The following DAB1 variants were observed in gnomAD, a reference collection of about 807,000 sequenced individuals.
DAB1 encodes DAB adaptor protein 1.
Under a neutral mutation model 64.6 loss-of-function variants are expected in DAB1, and 15 were observed. The ratio of observed to expected loss-of-function variants is 0.23; its 90% CI spans 0.16 to 0.36. The LOEUF is 0.36. Among genes scored for constraint, DAB1 ranks in the 10% least tolerant of loss-of-function variants. The pLI is 1.00. For missense variants in DAB1, 596 were observed against 706.7 expected (o/e 0.84, Z 1.78); for synonymous variants, 235 against 251.9 (o/e 0.93, Z 0.64).
At chr1:58,056,800 G>T (rs1049037951) in intron 5 of DAB1, among the ~76,000 whole-genome samples, 27 of 151,476 alleles carry the variant, frequency 1.8e-4, no homozygotes, top group African/African-American at 6.5e-4. Flanking sequence ...TCCTCCCTTT[G>T]TAGTCACCTT....
intron 1 of DAB1, among the ~76,000 whole-genome samples, chr1:57,363,234 G>C (rs915354053): frequency 6.6e-6 from 1 of 152,146 alleles, no homozygotes; most frequent in African/African-American, 2.4e-5. Flanking sequence ...ACTTTTGGGG[G>C]TTACAGACCC....
At chr1:57,359,182 C>A (rs1489962665) in intron 1 of DAB1, among the ~76,000 whole-genome samples, 1 of 151,962 alleles carries the variant, frequency 6.6e-6, no homozygotes, top group Non-Finnish European at 1.5e-5. Context: ...AACATATTTA[C>A]AAACTATATA....
intron 7 of DAB1, among the ~76,000 whole-genome samples, chr1:57,438,044 T>C (rs868669973): frequency 3.0e-4 from 45 of 152,294 alleles, no homozygotes; most frequent in African/African-American, 1.1e-3. Context: ...TCCCAGCCCT[T>C]ACAGATTGCT....
intron 4 of DAB1, among the ~76,000 whole-genome samples, chr1:58,208,037 G>T (rs985287267): frequency 1.3e-5 from 2 of 151,216 alleles, no homozygotes; most frequent in African/African-American, 4.9e-5. Context: ...AGTGTAGAGT[G>T]AAAATGAGGG....
intron 5 of DAB1, among the ~76,000 whole-genome samples, chr1:57,990,126 C>G (rs896323860): frequency 6.6e-6 from 1 of 152,188 alleles, no homozygotes; most frequent in African/African-American, 2.4e-5. Flanking sequence ...GCTGGTCAAG[C>G]AGCAGAGTGT....
At chr1:57,416,341 T>G (rs1159705379) in intron 1 of DAB1, among the ~76,000 whole-genome samples, 2 of 152,192 alleles carry the variant, frequency 1.3e-5, no homozygotes, top group Admixed American at 6.5e-5. Flanking sequence ...GGGAAGTTAT[T>G]TCTTGGGGAC....
chr1:58,302,854 T>G (rs1662206407), intron 4 of DAB1, among the ~76,000 whole-genome samples: 1 of 152,180 alleles, frequency 6.6e-6, no homozygotes, highest in Non-Finnish European at 1.5e-5. Context: ...ATCTTCACCC[T>G]GTAGAGCTTT....
chr1:58,136,105 G>A (rs1268144018), intron 5 of DAB1, among the ~76,000 whole-genome samples: 1 of 152,192 alleles, frequency 6.6e-6, no homozygotes, highest in African/African-American at 2.4e-5. Context: ...TAATGTTGCA[G>A]TAAAACATAG....
At chr1:58,494,080 T>A (rs539247178) in intron 3 of DAB1, among the ~76,000 whole-genome samples, 64 of 151,818 alleles carry the variant, frequency 4.2e-4, no homozygotes, top group African/African-American at 7.7e-4. Context: ...ATATAGACCA[T>A]TGGAACAGAA....
At chr1:57,907,197 A>G (rs1857377) in intron 5 of DAB1, among the ~76,000 whole-genome samples, 3,465 of 152,324 alleles carry the variant, frequency 0.023, 109 homozygotes, top group African/African-American at 0.073. Flanking sequence ...TCAGGACATA[A>G]GCAGGGCTCT....
chr1:58,311,152 A>T (rs904314499), intron 4 of DAB1, among the ~76,000 whole-genome samples: 3 of 152,116 alleles, frequency 2.0e-5, no homozygotes, highest in Non-Finnish European at 4.4e-5. Context: ...CTTTAGCAAG[A>T]ACTTGTTAAG....
chr1:58,197,539 G>A (rs868278993), intron 4 of DAB1, among the ~76,000 whole-genome samples: 18 of 151,726 alleles, frequency 1.2e-4, no homozygotes, highest in Middle Eastern at 3.4e-3. Context: ...CTACAGGTGC[G>A]CGCCACTACA....
intron 6 of DAB1, among the ~76,000 whole-genome samples, chr1:57,653,732 C>T (rs951694964): frequency 4.6e-5 from 7 of 152,210 alleles, no homozygotes; most frequent in African/African-American, 1.4e-4. Flanking sequence ...CCTGCCTCAG[C>T]CTCCCCAGTA....
At chr1:57,159,446 G>A (rs1660532925) in intron 2 of DAB1, among the ~76,000 whole-genome samples, 1 of 152,100 alleles carries the variant, frequency 6.6e-6, no homozygotes, top group Non-Finnish European at 1.5e-5. Context: ...GCAAATTAAA[G>A]CAAGAAAAAG....
intron 1 of DAB1, among the ~76,000 whole-genome samples, chr1:57,299,335 GA>G (rs1391829916): frequency 6.6e-6 from 1 of 152,026 alleles, no homozygotes; most frequent in East Asian, 1.9e-4. Flanking sequence ...AGTATTTTTG[GA>G]AAAATAAAAT....
At chr1:58,194,611 T>C (rs1158689118) in intron 4 of DAB1, among the ~76,000 whole-genome samples, 1 of 152,248 alleles carries the variant, frequency 6.6e-6, no homozygotes, top group Non-Finnish European at 1.5e-5. Context: ...GAAACTCTCG[T>C]ATTTATAACC....
intron 3 of DAB1, among the ~76,000 whole-genome samples, chr1:58,398,646 G>C (rs1644543543): frequency 6.6e-6 from 1 of 152,196 alleles, no homozygotes; most frequent in South Asian, 2.1e-4. Context: ...TGTGGTAACT[G>C]CAATTTTGCA....
At chr1:57,307,727 T>C (rs1674319035) in intron 1 of DAB1, among the ~76,000 whole-genome samples, 1 of 151,808 alleles carries the variant, frequency 6.6e-6, no homozygotes, top group African/African-American at 2.4e-5. Context: ...CCCCCTTTCG[T>C]ATCTGTTGAA....
chr1:58,250,361 C>A (rs1217169180), intron 4 of DAB1, among the ~76,000 whole-genome samples: 2 of 152,230 alleles, frequency 1.3e-5, no homozygotes, highest in African/African-American at 2.4e-5. Flanking sequence ...GGGGCCAGGG[C>A]GCGCGGGAGA....
Sources: allele counts gnomAD v4.1 joint callset (sites outside exome capture counted in the v4.1 genomes callset), GRCh38; gene constraint gnomAD v4.1.1; transcripts MANE v1.5; gene names NCBI Gene and HGNC (gene_info 2026-07-23, HGNC 2026-07-21).